The following MDGA2 variants were observed in gnomAD, a reference collection of about 807,000 sequenced individuals.
MDGA2 encodes MAM domain containing glycosylphosphatidylinositol anchor 2.
In MDGA2, 40 loss-of-function variants were observed where a neutral mutation model predicts 117.8. The ratio of observed to expected loss-of-function variants is 0.34; its 90% CI spans 0.26 to 0.44. MDGA2 has a LOEUF of 0.44. MDGA2 is among the 20% of genes least tolerant of loss of function. The probability of loss-of-function intolerance (pLI) is 1.00; values close to 1 mark genes in which losing one functional copy is unlikely to be tolerated. For missense variants in MDGA2, 1,123 were observed against 1,250.6 expected (o/e 0.90, Z 1.54); for synonymous variants, 452 against 439.0 (o/e 1.03, Z -0.37).
chr14:47,630,745 A>G (rs1008719242), intron 1 of MDGA2, among the ~76,000 whole-genome samples: 6 of 152,222 alleles, frequency 3.9e-5, no homozygotes, highest in African/African-American at 1.4e-4. Flanking sequence ...AATGAAGTCA[A>G]TACAACTATC....
At chr14:46,947,582 G>A (rs1047518897) in intron 9 of MDGA2, among the ~76,000 whole-genome samples, 3 of 151,894 alleles carry the variant, frequency 2.0e-5, no homozygotes, top group Admixed American at 1.3e-4. Flanking sequence ...CTCTTTCCGT[G>A]AGTCTCATGA....
intron 5 of MDGA2, among the ~76,000 whole-genome samples, chr14:47,110,690 CTGTT>C (rs1835354872): frequency 1.3e-5 from 2 of 152,152 alleles, no homozygotes; most frequent in African/African-American, 2.4e-5. Flanking sequence ...TGCTGGGCCT[CTGTT>C]TGCTCTTCTA....
At chr14:47,630,266 T>A (rs1271066836) in intron 1 of MDGA2, among the ~76,000 whole-genome samples, 2 of 152,176 alleles carry the variant, frequency 1.3e-5, no homozygotes, top group Non-Finnish European at 2.9e-5. Context: ...CATATTTTTA[T>A]AAGTATCGGT....
intron 1 of MDGA2, among the ~76,000 whole-genome samples, chr14:47,614,048 T>C (rs999371703): frequency 1.3e-5 from 2 of 151,368 alleles, no homozygotes; most frequent in African/African-American, 4.9e-5. Context: ...CCATAAAAAA[T>C]GTTGTTTAAA....
chr14:47,154,633 C>A (rs1883295152), intron 3 of MDGA2, among the ~76,000 whole-genome samples: 1 of 148,822 alleles, frequency 6.7e-6, no homozygotes, highest in South Asian at 2.1e-4. Flanking sequence ...CAAGACCAGG[C>A]CTGGTGTGTA....
chr14:47,351,086 T>TTTTTTTTTTC (rs1255402078), intron 1 of MDGA2, among the ~76,000 whole-genome samples: 1 of 149,740 alleles, frequency 6.7e-6, no homozygotes, highest in Non-Finnish European at 1.5e-5. Context: ...TAATTTTTTT[T>TTTTTTTTTTC]TTTTTTTTTG....
At chr14:46,968,405 G>T (rs1317487994) in intron 8 of MDGA2, among the ~76,000 whole-genome samples, 1 of 152,084 alleles carries the variant, frequency 6.6e-6, no homozygotes, top group South Asian at 2.1e-4. Context: ...CATAGTACTG[G>T]ATGTCCGAGG....
intron 7 of MDGA2, among the ~76,000 whole-genome samples, chr14:47,046,382 CAT>C (rs1490655359): frequency 6.6e-6 from 1 of 151,644 alleles, no homozygotes; most frequent in Non-Finnish European, 1.5e-5. Flanking sequence ...TGTTCTCACT[CAT>C]AGGTGGGAAT....
intron 1 of MDGA2, among the ~76,000 whole-genome samples, chr14:47,667,131 A>T (rs1423499799): frequency 2.0e-5 from 3 of 152,222 alleles, no homozygotes. Context: ...ACATAGCTAC[A>T]TGCATCATCT....
chr14:46,932,723 C>A (rs1313219152), intron 9 of MDGA2, among the ~76,000 whole-genome samples: 1 of 152,026 alleles, frequency 6.6e-6, no homozygotes, highest in Non-Finnish European at 1.5e-5. Context: ...GGAAACAAGT[C>A]ACTCAGACTG....
intron 10 of MDGA2, among the ~76,000 whole-genome samples, chr14:46,888,269 G>A (rs1240550279): frequency 6.6e-6 from 1 of 151,952 alleles, no homozygotes; most frequent in Non-Finnish European, 1.5e-5. Flanking sequence ...AAAAGGAGAT[G>A]CAATATTATT....
chr14:46,948,653 T>C (rs573435018), intron 9 of MDGA2, among the ~76,000 whole-genome samples: 6 of 152,112 alleles, frequency 3.9e-5, no homozygotes, highest in East Asian at 1.9e-4. Flanking sequence ...CACTGTCCCT[T>C]CCAGCTCTGA....
chr14:47,341,946 TCTCCTGCCTCAGC>T (rs1384687268), intron 1 of MDGA2, among the ~76,000 whole-genome samples: 3 of 151,988 alleles, frequency 2.0e-5, no homozygotes, highest in African/African-American at 7.2e-5. Flanking sequence ...TTCAGGCAAT[TCTCCTGCCTCAGC>T]CTCCCAAGTA....
chr14:47,248,978 CTCTT>C (rs768636432), intron 2 of MDGA2, among the ~76,000 whole-genome samples: 44 of 134,906 alleles, frequency 3.3e-4, no homozygotes, highest in African/African-American at 9.1e-4. Flanking sequence ...TTCCTTCTCT[CTCTT>C]TCTTTCTTTC....
chr14:47,398,520 T>A lies in MDGA2; in HGVS notation c.281-96970A>T, dbSNP rs545712285. Among the ~76,000 whole-genome samples the A allele has an allele frequency of 1.2e-4, 19 of 152,306 alleles. No homozygotes were observed. In the East Asian group the frequency reaches 3.3e-3, roughly 26 times the overall value. On this transcript the variant is annotated intron_variant, in intron 1 of 16. Transcript: ENST00000399232. ...AACTATATATTTATACATTTTCTGG[T>A]ATTTGATGAGGGCTTTATAAATGAT...
At chr14:46,986,895 T>A (rs1954228) in intron 8 of MDGA2, among the ~76,000 whole-genome samples, 74 of 151,916 alleles carry the variant, frequency 4.9e-4, no homozygotes, top group Non-Finnish European at 1.3e-4. Context: ...TTGATTTTCA[T>A]GACCATTCTG....
intron 8 of MDGA2, among the ~76,000 whole-genome samples, chr14:46,981,468 G>C (rs1370922615): frequency 3.3e-5 from 5 of 152,140 alleles, no homozygotes; most frequent in Non-Finnish European, 7.3e-5. Context: ...ACTACTGTAT[G>C]CAAGTCAGCA....
chr14:47,239,083 T>A (rs8012244), intron 2 of MDGA2, among the ~76,000 whole-genome samples: 69,926 of 151,152 alleles, frequency 0.46, 17,486 homozygotes, highest in Admixed American at 0.62. Context: ...ACGTAAATTA[T>A]CTTCCACAAA....
At chr14:47,078,929 A>AGT (rs1384242615) in intron 6 of MDGA2, among the ~76,000 whole-genome samples, 1 of 152,006 alleles carries the variant, frequency 6.6e-6, no homozygotes, top group African/African-American at 2.4e-5. Flanking sequence ...TCCTTTGACC[A>AGT]ACATCTCCCC....
Sources: allele counts gnomAD v4.1 joint callset (sites outside exome capture counted in the v4.1 genomes callset), GRCh38; gene constraint gnomAD v4.1.1; transcripts MANE v1.5; gene names NCBI Gene and HGNC (gene_info 2026-07-23, HGNC 2026-07-21).